Variants in PPP6R2 observed in about 807,000 individuals in gnomAD.
PPP6R2 encodes protein phosphatase 6 regulatory subunit 2.
Under a neutral mutation model 100.2 loss-of-function variants are expected in PPP6R2, and 62 were observed. That is an observed-to-expected ratio of 0.62 (90% CI 0.50 to 0.76). The LOEUF (loss-of-function observed/expected upper bound fraction) is 0.76, where lower values mean the gene tolerates loss of function less well. Among genes scored for constraint, PPP6R2 ranks in the 30% least tolerant of loss-of-function variants. The pLI, the probability that PPP6R2 is intolerant of heterozygous loss-of-function variation, is 0.00. For missense variants in PPP6R2, 1,142 were observed against 1,276.3 expected (o/e 0.89, Z 1.60); for synonymous variants, 525 against 514.7 (o/e 1.02, Z -0.27).
chr22:50,398,052 G>C (rs1308864067), intron 3 of PPP6R2, among the ~76,000 whole-genome samples: 2 of 152,274 alleles, frequency 1.3e-5, no homozygotes, highest in South Asian at 2.1e-4. Context: ...AAACATGAAA[G>C]TCAGGTGTGG....
chr22:50,400,017 A>G (rs1482806792), intron 3 of PPP6R2, among the ~76,000 whole-genome samples: 1 of 152,234 alleles, frequency 6.6e-6, no homozygotes, highest in African/African-American at 2.4e-5. Flanking sequence ...CGCTTTCATT[A>G]CTCATAAAGC....
chr22:50,406,562 G>A, intron 3 of PPP6R2, 127 bp from the exon 4 acceptor site: 1 of 859,522 alleles, frequency 1.2e-6, no homozygotes, highest in Non-Finnish European at 1.8e-6. Flanking sequence ...TTTTTGTTCT[G>A]TTCTGAGGTC....
intron 8 of PPP6R2, among the ~76,000 whole-genome samples, chr22:50,419,793 TTG>T (rs1399278665): frequency 1.3e-5 from 2 of 152,150 alleles, no homozygotes; most frequent in Non-Finnish European, 2.9e-5. Flanking sequence ...CCGTGTGTGT[TTG>T]TGTGTGTGTC....
At chr22:50,339,789 GT>G (rs2042349743), upstream of PPP6R2, among the ~76,000 whole-genome samples, 1 of 107,114 alleles carries the variant, frequency 9.3e-6, no homozygotes, top group East Asian at 3.1e-4. Context: ...TGTGTGTGTG[GT>G]GTGTGTGGGG....
At chr22:50,397,283 G>C (rs921408091) in intron 3 of PPP6R2, among the ~76,000 whole-genome samples, 2 of 151,956 alleles carry the variant, frequency 1.3e-5, no homozygotes, top group Non-Finnish European at 2.9e-5. Context: ...TAAGTAAGCA[G>C]AGATGCCCTG....
chr22:50,333,222 T>G, the PPP6R2 span, among the ~76,000 whole-genome samples: 17 of 152,326 alleles, frequency 1.1e-4, no homozygotes, highest in African/African-American at 3.8e-4. Context: ...AATTCTCTAT[T>G]CTGTTCCCTT....
At chr22:50,371,490 C>T (rs1197181678) in intron 1 of PPP6R2, among the ~76,000 whole-genome samples, 1 of 151,344 alleles carries the variant, frequency 6.6e-6, no homozygotes, top group Non-Finnish European at 1.5e-5. Context: ...AGTGAGACCC[C>T]ATCTCTTTAA....
chr22:50,385,807 C>T (rs538249652), intron 2 of PPP6R2, among the ~76,000 whole-genome samples: 30 of 143,256 alleles, frequency 2.1e-4, no homozygotes, highest in Middle Eastern at 3.7e-3. Flanking sequence ...TGAGCCACCG[C>T]GCCCAGCTTT....
At chr22:50,362,040 T>G (rs1602317601) in intron 1 of PPP6R2, among the ~76,000 whole-genome samples, 1 of 152,302 alleles carries the variant, frequency 6.6e-6, no homozygotes, top group South Asian at 2.1e-4. Context: ...TGCCTGGACC[T>G]TTGTGGTCAG....
intron 15 of PPP6R2, 63 bp downstream of exon 15, chr22:50,437,131 T>G: frequency 1.0e-5 from 15 of 1,447,338 alleles, no homozygotes; most frequent in Non-Finnish European, 1.3e-5. Context: ...TGCGCTGCGC[T>G]TGGTCCTCCA....
At position 50,419,427 on chromosome 22, in the gene PPP6R2, G is replaced by A; in HGVS notation, c.810G>A (p.Gln270=). Residue 270 remains glutamine (Q), a synonymous_variant, in exon 8 of 24, where the codon CAG becomes CAA. Coordinates refer to ENST00000612753, the MANE Select transcript of PPP6R2 (RefSeq NM_001242898.2). ...AGAGCTGCCTCGTCAGTGGGACTCA[G>A]GTGTTACTCACCTTGCTGGAAACCA... is the stretch of plus-strand genomic sequence containing the variant. ...RTESCLVSGT[Q]VLLTLLETRR... is the part of the protein sequence containing the mutation. 2.5e-6 allele frequency: 4 copies of A among 1,614,192 alleles called. No homozygotes were observed. Among genetic ancestry groups the A allele is most frequent in the Non-Finnish European group, 3.4e-6 (4 of 1,180,030 alleles).
intron 19 of PPP6R2, 91 bp from the exon 20 acceptor site, chr22:50,439,608 CTG>C: frequency 7.2e-7 from 1 of 1,385,596 alleles, no homozygotes; most frequent in South Asian, 1.5e-5. Flanking sequence ...CTGTCAACCT[CTG>C]AGGGGCTCCC....
chr22:50,429,410 T>G (rs1327197190), intron 10 of PPP6R2, among the ~76,000 whole-genome samples: 2 of 152,184 alleles, frequency 1.3e-5, no homozygotes, highest in Non-Finnish European at 2.9e-5. Context: ...GTTAATGTGG[T>G]GTATTGATTG....
At chr22:50,442,346 T>C (rs1046189014) in intron 22 of PPP6R2, among the ~76,000 whole-genome samples, 6 of 152,186 alleles carry the variant, frequency 3.9e-5, no homozygotes, top group Admixed American at 2.6e-4. Context: ...GCAGGCCCCG[T>C]CTGTGCTCAC....
chr22:50,422,125 A>C, intron 8 of PPP6R2, 129 bp from the exon 9 acceptor site: 1 of 1,197,410 alleles, frequency 8.4e-7, no homozygotes. Flanking sequence ...GGGTAGCTGC[A>C]CTGCTCTAGG....
At chr22:50,381,699 T>G (rs895365110) in intron 2 of PPP6R2, among the ~76,000 whole-genome samples, 1 of 151,984 alleles carries the variant, frequency 6.6e-6, no homozygotes, top group African/African-American at 2.4e-5. Flanking sequence ...GGCGGGTGGA[T>G]CACGAGATCA....
intron 6 of PPP6R2, 63 bp from the exon 7 acceptor site, chr22:50,418,804 C>A: frequency 7.5e-7 from 1 of 1,332,470 alleles, no homozygotes; most frequent in Non-Finnish European, 1.1e-6. Flanking sequence ...GTGTGCCCAG[C>A]AGGGCTGGTC....
upstream of PPP6R2, among the ~76,000 whole-genome samples, chr22:50,342,173 C>T (rs909556352): frequency 2.0e-5 from 3 of 152,218 alleles, no homozygotes; most frequent in Non-Finnish European, 2.9e-5. Flanking sequence ...CCTCCCGCTC[C>T]TGCAAAGGAG....
chr22:50,360,440 G>T (rs1265866480), intron 1 of PPP6R2, among the ~76,000 whole-genome samples: 1 of 150,310 alleles, frequency 6.7e-6, no homozygotes, highest in African/African-American at 2.5e-5. Context: ...ATGACTCACT[G>T]CAGTCTTGAA....
Sources: allele counts gnomAD v4.1 joint callset (sites outside exome capture counted in the v4.1 genomes callset), GRCh38; gene constraint gnomAD v4.1.1; transcripts MANE v1.5; gene names NCBI Gene and HGNC (gene_info 2026-07-23, HGNC 2026-07-21).